Variants in KANSL1 observed in about 807,000 individuals in gnomAD.
KANSL1 encodes the protein KAT8 regulatory NSL complex subunit 1.
In KANSL1, 22 loss-of-function variants were observed where a neutral mutation model predicts 103.6. The observed-to-expected ratio is 0.21, with a 90% CI of 0.15 to 0.30. The LOEUF is 0.30. KANSL1 is among the 10% of genes least tolerant of loss of function. KANSL1 has a pLI of 1.00. For missense variants in KANSL1, 1,337 were observed against 1,399.8 expected, an observed-to-expected ratio of 0.96 and a Z score of 0.72; for synonymous variants, 600 against 527.6, an observed-to-expected ratio of 1.14 and a Z score of -1.88.
chr17:46,202,297 G>A (rs1368099179), intron 1 of KANSL1, among the ~76,000 whole-genome samples: 2 of 152,204 alleles, frequency 1.3e-5, no homozygotes, highest in African/African-American at 2.4e-5. Context: ...TTATGTACAT[G>A]CAAACATCCC....
intron 2 of KANSL1, among the ~76,000 whole-genome samples, chr17:46,110,795 G>A (rs530702253): frequency 1.3e-5 from 2 of 152,254 alleles, no homozygotes; most frequent in African/African-American, 4.8e-5. Context: ...GAGAAATAAG[G>A]TTGGGGTGGG....
rs746084966 is a variant in KANSL1 at position 46,039,134 on chromosome 17, C to T, written c.2285G>A (p.Arg762Gln). The part of the protein sequence containing the change: ...DDVGAVPMVE[R>Q]VTAPKAERLL... ...GCGCTCTGCTTTTGGCGCTGTCACT[C>T]GCTCCACCATGGGCACGGCCCCCAC... The change falls in exon 9 of 15, where the codon CGA (arginine) becomes CAA (glutamine). Residue 762 changes from arginine to glutamine, a missense_variant. Physicochemically the swap from Arg to Gln is conservative, Grantham distance 43. Around this residue, in one of 2 missense-constraint regions of KANSL1, gnomAD observed 780 missense variants for 923.4 expected, o/e 0.84. Coordinates refer to ENST00000432791, the MANE Select transcript of KANSL1 (RefSeq NM_015443.4). 7 of 1,612,458 alleles carry T rather than the reference C, an allele frequency of 4.3e-6. No individual in the cohort carries two copies. Among genetic ancestry groups the T allele is most frequent in the African/African-American group, 2.7e-5 (2 of 74,936 alleles).
At chr17:46,054,565 T>A (rs2146526724) in intron 6 of KANSL1, among the ~76,000 whole-genome samples, 1 of 152,330 alleles carries the variant, frequency 6.6e-6, no homozygotes, top group South Asian at 2.1e-4. Context: ...AACCTCATAA[T>A]CTTCCAAATG....
In KANSL1 at chr17:46,171,046, T is replaced by A. The variant is rs770047969; in HGVS notation, c.1098A>T (p.Gly366=). The A allele has an allele frequency of 1.8e-5, 29 of 1,614,094 alleles. No homozygotes were observed. The East Asian group carries it at 5.3e-4, about 30-fold the overall frequency. ...AATTGCTTTTCAGAAAGTTGCTAAG[T>A]CCCTCTGAAGTGGTGGTCTCACTGG... ...KAASETTTSE[G]LSNFLKSNSI... The change falls in exon 2 of 15, where the codon GGA becomes GGT. Residue 366 remains glycine, a synonymous_variant. Transcript: ENST00000432791.
intron 10 of KANSL1, among the ~76,000 whole-genome samples, chr17:46,036,216 T>A (rs2077145162): frequency 6.6e-6 from 1 of 152,144 alleles, no homozygotes; most frequent in Non-Finnish European, 1.5e-5. Flanking sequence ...ACAAATCAGA[T>A]CTTTAGAAGT....
chr17:46,073,418 C>T (rs1467657073), intron 4 of KANSL1, among the ~76,000 whole-genome samples: 1 of 151,858 alleles, frequency 6.6e-6, no homozygotes, highest in African/African-American at 2.4e-5. Context: ...CCCTCCTTAA[C>T]GTCAAATCTA....
chr17:46,034,427 C>T (rs1277680400), intron 10 of KANSL1, 142 bp from the exon 11 acceptor site: 3 of 811,792 alleles, frequency 3.7e-6, no homozygotes, highest in East Asian at 5.6e-5. Flanking sequence ...AGCAGCTGCT[C>T]CCACCTAGGA....
At chr17:46,074,895 C>G (rs1303779109) in intron 4 of KANSL1, among the ~76,000 whole-genome samples, 2 of 152,160 alleles carry the variant, frequency 1.3e-5, no homozygotes, top group Admixed American at 1.3e-4. Flanking sequence ...ACAAACCTAT[C>G]ATCACTATTA....
intron 2 of KANSL1, among the ~76,000 whole-genome samples, chr17:46,141,314 A>C (rs1009416736): frequency 6.6e-6 from 1 of 152,218 alleles, no homozygotes; most frequent in Non-Finnish European, 1.5e-5. Context: ...ACAGAGCAAA[A>C]TCCACACTGA....
intron 2 of KANSL1, among the ~76,000 whole-genome samples, chr17:46,104,314 C>T (rs1419032435): frequency 6.6e-6 from 1 of 152,146 alleles, no homozygotes; most frequent in Non-Finnish European, 1.5e-5. Flanking sequence ...AATTTCCAAC[C>T]AGAAAATACC....
intron 4 of KANSL1, among the ~76,000 whole-genome samples, chr17:46,072,918 GA>G (rs1440715064): frequency 6.6e-6 from 1 of 152,080 alleles, no homozygotes; most frequent in East Asian, 1.9e-4. Flanking sequence ...AGAATTTAAA[GA>G]AATATAGCAA....
chr17:46,100,855 A>C (rs2042282927), intron 2 of KANSL1, among the ~76,000 whole-genome samples: 2 of 152,272 alleles, frequency 1.3e-5, no homozygotes. Context: ...ACATGCCAGA[A>C]AAACCCGAAT....
intron 2 of KANSL1, among the ~76,000 whole-genome samples, chr17:46,134,975 G>A (rs188547177): frequency 6.6e-6 from 1 of 152,322 alleles, no homozygotes; most frequent in Non-Finnish European, 1.5e-5. Flanking sequence ...GAGACCAGTA[G>A]GGGTTGGAGT....
At chr17:46,054,884 G>C (rs1053934818) in intron 6 of KANSL1, among the ~76,000 whole-genome samples, 8 of 145,552 alleles carry the variant, frequency 5.5e-5, no homozygotes, top group African/African-American at 7.6e-5. Context: ...ATGGAGTCTC[G>C]CTGTCGCCCA....
At chr17:46,151,528 T>C (rs56147261) in intron 2 of KANSL1, among the ~76,000 whole-genome samples, 21,590 of 151,700 alleles carry the variant, frequency 0.14, 1,759 homozygotes, top group East Asian at 0.46. Flanking sequence ...TTTATAGCAC[T>C]TGTTAACTAG....
At position 46,091,879 on chromosome 17, in the gene KANSL1, C is replaced by T. The variant is rs114510053; in HGVS notation, c.1431+2681G>A. Among the ~76,000 whole-genome samples the T allele has an allele frequency of 5.7e-3, 873 of 152,272 alleles. 10 individuals carry two copies. The highest frequency in any genetic ancestry group is 0.02 in the African/African-American group (818 of 41,538). ...CTTTGCCCAGGCTGGAGTGCAGTGT[C>T]GCGATCTCAGCTCACTGCACCCTGT... On this transcript the variant is annotated intron_variant, in intron 3 of 14. Transcript: ENST00000432791.
At chr17:46,137,019 C>T (rs1297564714) in intron 2 of KANSL1, among the ~76,000 whole-genome samples, 1 of 152,226 alleles carries the variant, frequency 6.6e-6, no homozygotes, top group Non-Finnish European at 1.5e-5. Context: ...CTCTTGAACA[C>T]ATGTTTCTGC....
chr17:46,100,142 T>G (rs1568447786), intron 2 of KANSL1, among the ~76,000 whole-genome samples: 1 of 152,244 alleles, frequency 6.6e-6, no homozygotes, highest in Non-Finnish European at 1.5e-5. Flanking sequence ...AGATCTTTCC[T>G]GTGTTTGTTT....
chr17:46,149,504 T>C (rs2044952923), intron 2 of KANSL1, among the ~76,000 whole-genome samples: 1 of 152,278 alleles, frequency 6.6e-6, no homozygotes, highest in Admixed American at 6.5e-5. Context: ...CCGTCTCAAC[T>C]ACACAACTCT....
Sources: gnomAD v4.1 joint callset for allele counts (sites outside exome capture counted in the v4.1 genomes callset) on GRCh38, gnomAD v4.1.1 for gene constraint, gnomAD v4.1.1 regional missense constraint, MANE v1.5 for transcripts, NCBI Gene and HGNC (gene_info 2026-07-23, HGNC 2026-07-21) for gene names.